Variants in DCAF1 observed in about 807,000 individuals in gnomAD.
DCAF1 encodes the protein DDB1- and CUL4-associated factor 1.
Under a neutral mutation model 128.0 loss-of-function variants are expected in DCAF1, and 15 were observed. The ratio of observed to expected loss-of-function variants is 0.12; its 90% CI spans 0.08 to 0.18. The LOEUF is 0.18. DCAF1 is among the 10% of genes least tolerant of loss of function. DCAF1 has a pLI of 1.00. For synonymous variants in DCAF1, 610 were observed against 603.0 expected, an observed-to-expected ratio of 1.01 and a Z score of -0.17; for missense variants, 988 against 1,649.5, an observed-to-expected ratio of 0.60 and a Z score of 6.95.
At chr3:51,463,600 C>T (rs1038966782) in intron 5 of DCAF1, among the ~76,000 whole-genome samples, 28 of 151,806 alleles carry the variant, frequency 1.8e-4, no homozygotes, top group South Asian at 8.3e-4. Flanking sequence ...CTGGACAACA[C>T]GGCAAAACCC....
At chr3:51,398,921 G>C in intron 24 of DCAF1, 94 bp from the exon 25 acceptor site, 1 of 1,472,710 alleles carries the variant, frequency 6.8e-7, no homozygotes, top group Non-Finnish European at 9.2e-7. Flanking sequence ...ATTCATGCCC[G>C]AGCAAGGTTA....
intron 12 of DCAF1, among the ~76,000 whole-genome samples, chr3:51,428,991 G>A (rs782693485): frequency 1.3e-5 from 2 of 151,998 alleles, no homozygotes; most frequent in Non-Finnish European, 2.9e-5. Context: ...AGAGGGAGAC[G>A]TATCTCAAAA....
At chr3:51,481,729 G>A (rs569826709) in intron 3 of DCAF1, among the ~76,000 whole-genome samples, 3 of 149,952 alleles carry the variant, frequency 2.0e-5, no homozygotes, top group South Asian at 2.1e-4. Flanking sequence ...AGTGGCTCAC[G>A]CCTGTAATCC....
chr3:51,444,470 C>T (rs1331811992), intron 6 of DCAF1, among the ~76,000 whole-genome samples: 36 of 152,116 alleles, frequency 2.4e-4, no homozygotes, highest in African/African-American at 8.4e-4. Flanking sequence ...CCTGCCTCAG[C>T]CTCCTGAATA....
At chr3:51,418,967 TTAA>T (rs1204601047) in intron 15 of DCAF1, 91 bp from the exon 16 acceptor site, 6 of 1,434,950 alleles carry the variant, frequency 4.2e-6, no homozygotes, top group Non-Finnish European at 3.7e-6. Context: ...GCACAGAACA[TTAA>T]TGTTTCAAAT....
intron 24 of DCAF1, 95 bp downstream of exon 24, chr3:51,403,048 C>T: frequency 6.7e-7 from 1 of 1,498,670 alleles, no homozygotes; most frequent in East Asian, 2.3e-5. Context: ...GGGCACAGAA[C>T]CGTGGTATGG....
chr3:51,420,415 A>C lies in DCAF1; in HGVS notation c.2555T>G (p.Leu852Trp). The change falls in exon 15 of 25, where the codon TTG (leucine) becomes TGG (tryptophan). Residue 852 changes from leucine to tryptophan, a missense_variant. This residue lies in a region of DCAF1 where 76 missense variants were observed against 186.9 expected (regional missense o/e 0.41). Coordinates refer to ENST00000684031, the MANE Select transcript of DCAF1 (RefSeq NM_001387579.1). This position sits in a 1 kb window ranked among gnomAD's most constrained non-coding sequence, Gnocchi z 6.5. The stretch of plus-strand genomic sequence containing the variant: ...AGAAATAAGATGGTTTCGTATCAAC[A>C]AAAGCAGCTCTTTCTCAGGGAAGGA... ...RISFPEKELL[L>W]LIRNHLISKG... 1 of 1,614,060 alleles carries C rather than the reference A, an allele frequency of 6.2e-7. No individual in the cohort carries two copies. The highest frequency in any genetic ancestry group is 8.5e-7 in the Non-Finnish European group (1 of 1,179,908).
intron 6 of DCAF1, among the ~76,000 whole-genome samples, chr3:51,459,338 C>T (rs1160235852): frequency 6.6e-6 from 1 of 152,146 alleles, no homozygotes; most frequent in Non-Finnish European, 1.5e-5. Context: ...ACACATACAT[C>T]CTCCCAAGAC....
chr3:51,484,093 G>C (rs564407400), intron 2 of DCAF1, among the ~76,000 whole-genome samples: 1 of 152,238 alleles, frequency 6.6e-6, no homozygotes, highest in East Asian at 1.9e-4. Context: ...AATGAGGCAA[G>C]AAGCTGGATC....
intron 23 of DCAF1, among the ~76,000 whole-genome samples, chr3:51,410,260 T>C (rs943772182): frequency 6.6e-6 from 1 of 152,218 alleles, no homozygotes; most frequent in Admixed American, 6.5e-5. Context: ...CAGAAGCCCA[T>C]TTCTGCAGAT....
chr3:51,466,359 C>T (rs1262586825), intron 5 of DCAF1, among the ~76,000 whole-genome samples: 1 of 152,170 alleles, frequency 6.6e-6, no homozygotes, highest in East Asian at 1.9e-4. Flanking sequence ...ACAAACCTAT[C>T]AGCCACAATT....
intron 15 of DCAF1, 84 bp from the exon 16 acceptor site, chr3:51,418,960 C>T (rs1185272067): frequency 1.4e-6 from 2 of 1,455,490 alleles, no homozygotes. Flanking sequence ...AGAAAAAGCA[C>T]AGAACATTAA....
chr3:51,453,015 CAA>C (rs11415116), intron 6 of DCAF1, among the ~76,000 whole-genome samples: 12 of 109,124 alleles, frequency 1.1e-4, no homozygotes, highest in Middle Eastern at 6.7e-3. Flanking sequence ...GGCTCTGTCT[CAA>C]AAAAAAAAAA....
chr3:51,477,221 T>C (rs1705575075), intron 3 of DCAF1, among the ~76,000 whole-genome samples: 1 of 149,990 alleles, frequency 6.7e-6, no homozygotes, highest in Admixed American at 6.7e-5. Flanking sequence ...TGTCAAAAGA[T>C]CATAAAAAGG....
rs1553629707 is a variant in DCAF1 at position 51,414,764 on chromosome 3, T to C, written c.3697A>G (p.Thr1233Ala). The change falls in exon 19 of 25, where the codon ACA becomes GCA. Residue 1233 changes from threonine (T) to alanine (A), a missense_variant. By Grantham distance (58) the Thr-to-Ala change is moderately conservative. Coordinates refer to ENST00000684031, the MANE Select transcript of DCAF1 (RefSeq NM_001387579.1). ...YKRNCATFNP[T>A]DDLVLNDGVL... Reference sequence around the variant, plus strand: ...CCATCATTTAAGACAAGATCATCTGTAGGATTAAAGGTGGCACAGTTCCTC... The same window carrying C: ...CCATCATTTAAGACAAGATCATCTGCAGGATTAAAGGTGGCACAGTTCCTC... 3 of 1,613,982 alleles carry C rather than the reference T, an allele frequency of 1.9e-6. No individual in the cohort carries two copies. Among genetic ancestry groups the C allele is most frequent in the Non-Finnish European group, 2.5e-6 (3 of 1,179,902 alleles).
intron 10 of DCAF1, among the ~76,000 whole-genome samples, chr3:51,432,465 T>TG (rs1372526308): frequency 1.6e-4 from 23 of 142,134 alleles, no homozygotes; most frequent in East Asian, 8.1e-4. Context: ...CTGTTGTGTG[T>TG]TTTTTTTTTT....
chr3:51,487,117 G>A (rs1234646974), intron 2 of DCAF1, among the ~76,000 whole-genome samples: 2 of 150,854 alleles, frequency 1.3e-5, no homozygotes, highest in African/African-American at 2.4e-5. Context: ...GATTACAGGC[G>A]CACACCACCA....
intron 3 of DCAF1, among the ~76,000 whole-genome samples, chr3:51,483,463 T>C (rs568091204): frequency 6.6e-6 from 1 of 151,586 alleles, no homozygotes; most frequent in Admixed American, 6.6e-5. Context: ...TAAATTAAAT[T>C]AAATAAGAAA....
intron 6 of DCAF1, among the ~76,000 whole-genome samples, chr3:51,444,887 G>C (rs1345319188): frequency 6.7e-6 from 1 of 149,662 alleles, no homozygotes; most frequent in Non-Finnish European, 1.5e-5. Context: ...GTGTTAGCCA[G>C]GATGGTCTCG....
Sources: gnomAD v4.1 joint callset for allele counts (sites outside exome capture counted in the v4.1 genomes callset) on GRCh38, gnomAD v4.1.1 for gene constraint, gnomAD v4.1.1 regional missense constraint, Gnocchi (gnomAD v3.1) non-coding constraint, MANE v1.5 for transcripts, NCBI Gene and HGNC (gene_info 2026-07-23, HGNC 2026-07-21) for gene names.